Variants in EXOC4 observed in about 807,000 individuals in gnomAD.
EXOC4 encodes the protein exocyst complex component 4, also known as SEC8-like 1.
A neutral mutation model predicts 107.2 loss-of-function variants in EXOC4; 71 were observed. That is an observed-to-expected ratio of 0.66 (90% CI 0.55 to 0.81). The LOEUF is 0.81. EXOC4 is among the 30% of genes least tolerant of loss of function. The pLI, the probability that EXOC4 is intolerant of heterozygous loss-of-function variation, is 0.00. For missense variants in EXOC4, 1,108 were observed against 1,189.6 expected, an observed-to-expected ratio of 0.93 and a Z score of 1.01; for synonymous variants, 456 against 441.2, an observed-to-expected ratio of 1.03 and a Z score of -0.42.
intron 17 of EXOC4, among the ~76,000 whole-genome samples, chr7:134,050,497 T>A (rs9656432): frequency 0.24 from 35,442 of 146,584 alleles, 4,603 homozygotes; most frequent in East Asian, 0.44. Flanking sequence ...AGTTTTTTTT[T>A]AAAAAAGATA....
At chr7:133,776,742 G>A (rs1796353662) in intron 10 of EXOC4, among the ~76,000 whole-genome samples, 1 of 152,104 alleles carries the variant, frequency 6.6e-6, no homozygotes, top group Admixed American at 6.5e-5. Flanking sequence ...CAAATAATTT[G>A]GAAGAAGTAC....
At chr7:133,690,218 C>T (rs926367836) in intron 10 of EXOC4, among the ~76,000 whole-genome samples, 2 of 152,228 alleles carry the variant, frequency 1.3e-5, no homozygotes, top group African/African-American at 4.8e-5. Context: ...CAGTCCAAAC[C>T]AATAGCCTCC....
At chr7:133,299,652 A>G (rs897409971) in intron 3 of EXOC4, among the ~76,000 whole-genome samples, 1 of 152,208 alleles carries the variant, frequency 6.6e-6, no homozygotes, top group Admixed American at 6.5e-5. Context: ...ATTTTCCGAG[A>G]TAGATCTGAA....
chr7:134,040,277 T>G (rs1795484791), intron 17 of EXOC4, among the ~76,000 whole-genome samples: 2 of 152,250 alleles, frequency 1.3e-5, no homozygotes, highest in Admixed American at 6.5e-5. Flanking sequence ...TTGTCAGAGT[T>G]AAAGAAAAAC....
intron 10 of EXOC4, among the ~76,000 whole-genome samples, chr7:133,669,655 TA>T (rs1173704387): frequency 6.6e-6 from 1 of 152,224 alleles, no homozygotes; most frequent in Non-Finnish European, 1.5e-5. Flanking sequence ...TGTACAGTTT[TA>T]AAAGATAGAA....
At chr7:133,378,846 G>A (rs936059249) in intron 7 of EXOC4, among the ~76,000 whole-genome samples, 1 of 151,890 alleles carries the variant, frequency 6.6e-6, no homozygotes, top group Non-Finnish European at 1.5e-5. Context: ...GAACCCAAAA[G>A]CAAGATGATA....
At chr7:133,851,067 G>C (rs1798231035) in intron 11 of EXOC4, among the ~76,000 whole-genome samples, 1 of 152,124 alleles carries the variant, frequency 6.6e-6, no homozygotes, top group African/African-American at 2.4e-5. Flanking sequence ...ATTAAACACA[G>C]TCAGCTGTGA....
At chr7:133,732,968 G>T in intron 10 of EXOC4, 2 of 160,526 alleles carry the variant, frequency 1.2e-5, no homozygotes, top group South Asian at 1.6e-4. Flanking sequence ...TTTTGTCACT[G>T]GTAGGATCCA....
chr7:133,295,990 A>C (rs1184151422), intron 3 of EXOC4, among the ~76,000 whole-genome samples: 2 of 152,100 alleles, frequency 1.3e-5, no homozygotes, highest in East Asian at 3.8e-4. Context: ...TTCCGTATGG[A>C]TTTTCCACAA....
At chr7:133,301,799 T>C (rs192529621) in intron 3 of EXOC4, among the ~76,000 whole-genome samples, 3 of 152,338 alleles carry the variant, frequency 2.0e-5, no homozygotes, top group African/African-American at 7.2e-5. Flanking sequence ...ATCAATAGTT[T>C]CTTTTACAAC....
chr7:134,089,898 G>A, the EXOC4 span, among the ~76,000 whole-genome samples: 3 of 152,008 alleles, frequency 2.0e-5, no homozygotes, highest in Admixed American at 1.3e-4. Flanking sequence ...TAGGTAAACT[G>A]AACAATTTTT....
chr7:134,054,891 C>A (rs903816683), intron 17 of EXOC4, among the ~76,000 whole-genome samples: 1 of 152,168 alleles, frequency 6.6e-6, no homozygotes, highest in African/African-American at 2.4e-5. Context: ...GTTCATATTT[C>A]CATTAGCTCC....
intron 7 of EXOC4, among the ~76,000 whole-genome samples, chr7:133,432,080 A>G (rs1797868775): frequency 6.6e-6 from 1 of 152,174 alleles, no homozygotes; most frequent in Non-Finnish European, 1.5e-5. Flanking sequence ...GGAGGATCAT[A>G]AGTCTACTAT....
intron 14 of EXOC4, among the ~76,000 whole-genome samples, chr7:133,978,017 A>G (rs988360671): frequency 6.6e-6 from 1 of 152,250 alleles, no homozygotes; most frequent in African/African-American, 2.4e-5. Context: ...CAAACAGACT[A>G]GAACTTACTC....
At chr7:133,390,474 A>G (rs1796828583) in intron 7 of EXOC4, among the ~76,000 whole-genome samples, 1 of 152,152 alleles carries the variant, frequency 6.6e-6, no homozygotes, top group Non-Finnish European at 1.5e-5. Flanking sequence ...CCGAGTCCAT[A>G]AGTGAGCCTG....
intron 10 of EXOC4, among the ~76,000 whole-genome samples, chr7:133,657,579 T>A (rs766649561): frequency 1.4e-4 from 22 of 152,184 alleles, no homozygotes; most frequent in Non-Finnish European, 2.8e-4. Context: ...ACTGTTATGT[T>A]AGAAATCAGT....
intron 11 of EXOC4, among the ~76,000 whole-genome samples, chr7:133,866,895 C>G (rs1798652652): frequency 6.6e-6 from 1 of 152,212 alleles, no homozygotes; most frequent in African/African-American, 2.4e-5. Flanking sequence ...GTGCAGCTTT[C>G]TCTCCTGAAG....
intron 7 of EXOC4, among the ~76,000 whole-genome samples, chr7:133,459,511 T>C (rs901338222): frequency 6.6e-6 from 1 of 152,236 alleles, no homozygotes; most frequent in Non-Finnish European, 1.5e-5. Context: ...GCATGTGAGC[T>C]GTTCAGCCAT....
At chr7:133,796,571 A>G (rs575221985) in intron 10 of EXOC4, among the ~76,000 whole-genome samples, 4 of 152,288 alleles carry the variant, frequency 2.6e-5, no homozygotes, top group African/African-American at 9.6e-5. Flanking sequence ...CATCCTGGCC[A>G]ACATGGTGAA....
Sources: allele counts gnomAD v4.1 joint callset (sites outside exome capture counted in the v4.1 genomes callset), GRCh38; gene constraint gnomAD v4.1.1; transcripts MANE v1.5; gene names NCBI Gene and HGNC (gene_info 2026-07-23, HGNC 2026-07-21).